The following CPLANE1 variants were observed in gnomAD, a reference collection of about 807,000 sequenced individuals.
CPLANE1 encodes the protein ciliogenesis and planar polarity effector 1.
In CPLANE1, 263 loss-of-function variants were observed where a neutral mutation model predicts 362.5. The observed-to-expected ratio is 0.73, with a 90% confidence interval of 0.66 to 0.80. The LOEUF (loss-of-function observed/expected upper bound fraction) is 0.80, where lower values mean the gene tolerates loss of function less well. CPLANE1 is among the 30% of genes least tolerant of loss of function. The probability of loss-of-function intolerance (pLI) is 0.00; values close to 1 mark genes in which losing one functional copy is unlikely to be tolerated. For synonymous variants in CPLANE1, 1,212 were observed against 1,302.6 expected (o/e 0.93, Z 1.50); for missense variants, 3,461 against 3,793.4 (o/e 0.91, Z 2.30).
intron 16 of CPLANE1, among the ~76,000 whole-genome samples, chr5:37,208,685 CCCAA>C (rs1791603714): frequency 8.2e-6 from 1 of 122,238 alleles, no homozygotes; most frequent in African/African-American, 3.2e-5. Context: ...TCCCCCCCCC[CCCAA>C]AAAAAAAAAA....
chr5:37,158,381 A>C, intron 38 of CPLANE1, 36 bp from the exon 39 acceptor site: 1 of 1,585,636 alleles, frequency 6.3e-7, no homozygotes. Context: ...GGAACATTCA[A>C]AAAAAGGCTG....
chr5:37,116,203 T>C (rs534163780), intron 50 of CPLANE1, among the ~76,000 whole-genome samples: 14 of 151,842 alleles, frequency 9.2e-5, no homozygotes, highest in Non-Finnish European at 2.9e-5. Context: ...TGTCTCACAC[T>C]ACCAGGCACG....
rs148698826 is a variant in CPLANE1 at position 37,170,108 on chromosome 5, C to A, written c.6395G>T (p.Arg2132Leu). Residue 2132 changes from arginine (R) to leucine (L), a missense_variant, in exon 33 of 53, where the codon CGC (arginine) becomes CTC (leucine). Transcript: ENST00000651892. ...QSMGENAREP[R>L]KNSPHCHEGT... ...TTCATGGCAGTGTGGGCTGTTCTTG[C>A]GAGGCTCTCTGGCGTTCTCTCCCAT... 7 of 1,614,080 alleles carry A rather than the reference C, an allele frequency of 4.3e-6. No homozygotes were observed. The highest frequency in any genetic ancestry group is 3.3e-5 in the Admixed American group (2 of 60,006).
Position 37,138,804 on chromosome 5 carries a change from G to A in CPLANE1, c.8708C>T (p.Ala2903Val), listed in dbSNP as rs754550865. 1 of 1,612,720 alleles carries A rather than the reference G, an allele frequency of 6.2e-7. No individual in the cohort carries two copies. Among genetic ancestry groups the A allele is most frequent in the Non-Finnish European group, 8.5e-7 (1 of 1,179,372 alleles). ...PLQMTGLTDI[A>V]DIIDDLIIKD... ...AATTATAAGGTCATCAATAATGTCT[G>A]CAATATCAGTCAATCCAGTCATCTG... Residue 2903 changes from alanine to valine, a missense_variant, in exon 46 of 53, where the codon GCA becomes GTA. Ala to Val is a moderately conservative substitution (Grantham distance 64, BLOSUM62 0). This residue lies in a region of CPLANE1 where 3,380 missense variants were observed against 3,666.1 expected (regional missense o/e 0.92). Transcript: ENST00000651892.
chr5:37,167,681 G>C (rs1399579022), intron 34 of CPLANE1, among the ~76,000 whole-genome samples: 1 of 152,176 alleles, frequency 6.6e-6, no homozygotes, highest in African/African-American at 2.4e-5. Context: ...GGGAGGCTGA[G>C]GCAGGAGAAT....
chr5:37,168,525 C>G (rs1477219987), intron 34 of CPLANE1, among the ~76,000 whole-genome samples: 1 of 151,958 alleles, frequency 6.6e-6, no homozygotes, highest in Non-Finnish European at 1.5e-5. Flanking sequence ...TTAATAGAGA[C>G]AGCTTCTCCC....
Position 37,183,579 on chromosome 5 carries a change from T to C in CPLANE1, c.4602A>G (p.Thr1534=), listed in dbSNP as rs1351822107. The C allele has an allele frequency of 6.2e-7, 1 of 1,612,456 alleles. No homozygotes were observed. The highest frequency in any genetic ancestry group is 1.3e-5 in the African/African-American group (1 of 74,870). The change falls in exon 26 of 53, where the codon ACA becomes ACG. Residue 1534 remains threonine (T), a synonymous_variant. Transcript: ENST00000651892. The part of the protein sequence containing the change: ...KEDHEKLSQN[T]LPVIGVWEFE... ...ATTCCCAAACACCTATTACAGGAAG[T>C]GTATTTTGTGATAACTTTTCATGAT...
intron 16 of CPLANE1, chr5:37,212,260 C>A: frequency 7.2e-7 from 1 of 1,389,190 alleles, no homozygotes; most frequent in Non-Finnish European, 1.0e-6. Context: ...GACCAGGAGT[C>A]GGCAGATAAG....
intron 16 of CPLANE1, chr5:37,210,071 A>T: frequency 1.2e-6 from 1 of 804,614 alleles, no homozygotes; most frequent in East Asian, 2.4e-5. Context: ...AAGCAAAAAA[A>T]AAGTATGAGA....
In CPLANE1 at chr5:37,107,431, G is replaced by A. The variant is rs1195728537; in HGVS notation, c.*171C>T. ...CTTTCCCCATAAAGGCAAAGTTACT[G>A]AGAAATGTTTATTTTTCCTCTGGTA... On this transcript the variant is annotated 3_prime_UTR_variant, in exon 53 of 53. Coordinates refer to ENST00000651892, the MANE Select transcript of CPLANE1 (RefSeq NM_001384732.1). 7.8e-7 allele frequency: 1 copy of A among 1,281,390 alleles called. No individual in the cohort carries two copies. Among genetic ancestry groups the A allele is most frequent in the Admixed American group, 3.9e-5 (1 of 25,872 alleles). 79.4% of individuals were successfully genotyped at this position (1,281,390 alleles called of 1,614,324 possible).
At chr5:37,179,994 A>G (rs771651280) in intron 28 of CPLANE1, 23 bp downstream of exon 28, 1 of 1,499,760 alleles carries the variant, frequency 6.7e-7, no homozygotes, top group South Asian at 1.3e-5. Context: ...AGCCAAAAAA[A>G]TAGATTATCT....
intron 31 of CPLANE1, 113 bp downstream of exon 31, chr5:37,175,796 T>A: frequency 1.4e-6 from 1 of 720,718 alleles, no homozygotes; most frequent in East Asian, 2.5e-5. Context: ...TTTTTCTTAG[T>A]TTTTAGTCAA....
At chr5:37,165,705 C>T in intron 35 of CPLANE1, 34 bp from the exon 36 acceptor site, 1 of 1,550,768 alleles carries the variant, frequency 6.4e-7, no homozygotes. Flanking sequence ...CATACTTTTA[C>T]AACTATAGCA....
At chr5:37,099,474 C>T in the CPLANE1 span, among the ~76,000 whole-genome samples, 2 of 152,114 alleles carry the variant, frequency 1.3e-5, no homozygotes, top group Non-Finnish European at 2.9e-5. Flanking sequence ...GACATGATCT[C>T]GTTACTTTTT....
intron 50 of CPLANE1, among the ~76,000 whole-genome samples, chr5:37,118,982 G>C (rs1162688966): frequency 6.6e-6 from 1 of 151,984 alleles, no homozygotes; most frequent in Non-Finnish European, 1.5e-5. Flanking sequence ...AAAGTGCTGG[G>C]ATTACAGGCG....
At position 37,169,382 on chromosome 5, in the gene CPLANE1, T is replaced by G; in HGVS notation, c.6642A>C (p.Pro2214=). The change falls in exon 34 of 53, where the codon CCA becomes CCC. Residue 2214 remains proline, a synonymous_variant. Coordinates refer to ENST00000651892, the MANE Select transcript of CPLANE1 (RefSeq NM_001384732.1). ...CACCAGGACTAAATGTTTTTGCATG[T>G]GGGATAAGTCTAGGTGCCTTCTGAA... ...SVVQKAPRLI[P]HAKTFSPGDG... 6.2e-7 allele frequency: 1 copy of G among 1,614,176 alleles called. No individual in the cohort carries two copies. The highest frequency in any genetic ancestry group is 8.5e-7 in the Non-Finnish European group (1 of 1,180,034).
intron 16 of CPLANE1, among the ~76,000 whole-genome samples, chr5:37,207,409 C>T (rs1791072911): frequency 6.6e-6 from 1 of 152,152 alleles, no homozygotes; most frequent in Non-Finnish European, 1.5e-5. Flanking sequence ...AGGAGACTGG[C>T]TAAATTTTTC....
chr5:37,179,301 T>C, intron 29 of CPLANE1, 60 bp downstream of exon 29: 1 of 1,077,146 alleles, frequency 9.3e-7, no homozygotes, highest in Non-Finnish European at 1.4e-6. Context: ...AAAACATGTA[T>C]AATTTAAACA....
the CPLANE1 span, among the ~76,000 whole-genome samples, chr5:37,083,993 T>G: frequency 6.6e-6 from 1 of 152,134 alleles, no homozygotes. Context: ...TTATCTAAAT[T>G]TAAGATGAAG....
Sources: gnomAD v4.1 joint callset for allele counts (sites outside exome capture counted in the v4.1 genomes callset) on GRCh38, gnomAD v4.1.1 for gene constraint, gnomAD v4.1.1 regional missense constraint, MANE v1.5 for transcripts, NCBI Gene and HGNC (gene_info 2026-07-23, HGNC 2026-07-21) for gene names.